Variants in FBLN5 observed in about 807,000 individuals in gnomAD.
The protein encoded by FBLN5 is fibulin-5.
In FBLN5, 24 loss-of-function variants were observed where a neutral mutation model predicts 61.6. That is an observed-to-expected ratio of 0.39 (90% CI 0.28 to 0.55). FBLN5 has a LOEUF of 0.55. Among genes scored for constraint, FBLN5 ranks in the 20% least tolerant of loss-of-function variants. FBLN5 has a pLI of 0.65. For synonymous variants in FBLN5, 213 were observed against 219.8 expected, an observed-to-expected ratio of 0.97 and a Z score of 0.27; for missense variants, 470 against 594.1, an observed-to-expected ratio of 0.79 and a Z score of 2.17.
At chr14:91,921,856 G>A (rs1449823735) in intron 4 of FBLN5, among the ~76,000 whole-genome samples, 1 of 152,212 alleles carries the variant, frequency 6.6e-6, no homozygotes, top group African/African-American at 2.4e-5. Flanking sequence ...TTGGGGTAGA[G>A]AAAGGAGCTG....
intron 10 of FBLN5, among the ~76,000 whole-genome samples, chr14:91,871,272 A>G (rs1027286843): frequency 2.7e-5 from 4 of 150,884 alleles, no homozygotes; most frequent in African/African-American, 9.7e-5. Context: ...TTTTTGTTAA[A>G]CTAACAATTC....
intron 4 of FBLN5, among the ~76,000 whole-genome samples, chr14:91,933,185 C>T (rs754826432): frequency 2.0e-5 from 3 of 152,194 alleles, no homozygotes; most frequent in Non-Finnish European, 4.4e-5. Context: ...GAGATTTGAA[C>T]ACTACCTGGA....
intron 4 of FBLN5, among the ~76,000 whole-genome samples, chr14:91,933,355 A>G (rs1485487208): frequency 1.3e-5 from 2 of 151,922 alleles, no homozygotes; most frequent in Non-Finnish European, 2.9e-5. Context: ...GCTCACTGCA[A>G]CCTCCACCTC....
At position 91,947,119 on chromosome 14, in the gene FBLN5, G is replaced by C; in HGVS notation, c.17+94C>G. On this transcript the variant is annotated intron_variant, in intron 1 of 10. Coordinates refer to ENST00000342058, the MANE Select transcript of FBLN5 (RefSeq NM_006329.4). This position sits in a 1 kb window ranked among gnomAD's most constrained non-coding sequence, Gnocchi z 4.3. Reference sequence around the variant, plus strand: ...ATGCCTTTTCCAATATCCTGACACCGCCTGAATCGCAGCCATAACCATTTT... The same window carrying C: ...ATGCCTTTTCCAATATCCTGACACCCCCTGAATCGCAGCCATAACCATTTT... The C allele has an allele frequency of 6.3e-7, 1 of 1,580,512 alleles. No homozygotes were observed. Among genetic ancestry groups the C allele is most frequent in the Non-Finnish European group, 8.7e-7 (1 of 1,153,398 alleles).
chr14:91,944,283 T>C (rs760039234), intron 1 of FBLN5, among the ~76,000 whole-genome samples: 1 of 152,158 alleles, frequency 6.6e-6, no homozygotes, highest in African/African-American at 2.4e-5. Context: ...TTCACACTCA[T>C]GAGGCTATTA....
intron 5 of FBLN5, among the ~76,000 whole-genome samples, chr14:91,892,512 G>A (rs1337209216): frequency 6.6e-6 from 1 of 152,210 alleles, no homozygotes; most frequent in Non-Finnish European, 1.5e-5. Flanking sequence ...GCCCTTCTCA[G>A]ATTCTGTGCC....
At chr14:91,930,121 T>G (rs2055898537) in intron 4 of FBLN5, among the ~76,000 whole-genome samples, 1 of 152,210 alleles carries the variant, frequency 6.6e-6, no homozygotes, top group Non-Finnish European at 1.5e-5. Context: ...GGAGAAGTCA[T>G]CACGGAATGA....
chr14:91,933,190 C>T (rs2055955894), intron 4 of FBLN5, among the ~76,000 whole-genome samples: 1 of 152,138 alleles, frequency 6.6e-6, no homozygotes, highest in African/African-American at 2.4e-5. Flanking sequence ...TTGAACACTA[C>T]CTGGATATTT....
intron 4 of FBLN5, among the ~76,000 whole-genome samples, chr14:91,898,796 CTTTTTT>C (rs35840279): frequency 2.4e-5 from 2 of 84,240 alleles, no homozygotes; most frequent in Non-Finnish European, 4.4e-5. Flanking sequence ...TTCATTCATT[CTTTTTT>C]TTTTTTTTTT....
chr14:91,897,425 T>G (rs1890271491), intron 4 of FBLN5, among the ~76,000 whole-genome samples: 1 of 152,256 alleles, frequency 6.6e-6, no homozygotes, highest in Non-Finnish European at 1.5e-5. Flanking sequence ...ATGGCAATTG[T>G]GTGCTGGGAA....
chr14:91,894,397 C>T (rs1169397789), intron 5 of FBLN5, among the ~76,000 whole-genome samples: 1 of 33,676 alleles, frequency 3.0e-5, no homozygotes, highest in South Asian at 1.2e-3. Context: ...AGGGAGACAC[C>T]ATATCAAAAA....
In FBLN5 at chr14:91,947,302, G is replaced by T; in HGVS notation, c.-73C>A. 6.3e-7 allele frequency: 1 copy of T among 1,587,536 alleles called. No individual in the cohort carries two copies. The highest frequency in any genetic ancestry group is 2.2e-5 in the East Asian group (1 of 44,712). On this transcript the variant is annotated 5_prime_UTR_variant, in exon 1 of 11. Coordinates refer to ENST00000342058, the MANE Select transcript of FBLN5 (RefSeq NM_006329.4). This position sits in a 1 kb window ranked among gnomAD's most constrained non-coding sequence, Gnocchi z 4.3. ...GGGCGGGACCCCCGGAGGAGCTCGG[G>T]CACGTCGGCCTCCTCTGGGCCCTCG...
chr14:91,880,581 T>C (rs888993622), intron 9 of FBLN5, among the ~76,000 whole-genome samples: 2 of 151,966 alleles, frequency 1.3e-5, no homozygotes, highest in African/African-American at 4.8e-5. Flanking sequence ...AGAGTCTCAC[T>C]CTGTCACCCA....
chr14:91,927,458 G>C (rs2055848720), intron 4 of FBLN5, among the ~76,000 whole-genome samples: 1 of 152,212 alleles, frequency 6.6e-6, no homozygotes, highest in Non-Finnish European at 1.5e-5. Context: ...TTCTGTTCTA[G>C]AGTCCTCCAG....
intron 1 of FBLN5, among the ~76,000 whole-genome samples, chr14:91,944,979 C>A (rs1369730835): frequency 6.6e-6 from 1 of 152,152 alleles, no homozygotes; most frequent in Non-Finnish European, 1.5e-5. Flanking sequence ...ACCTCTAATC[C>A]CAGCACTTTG....
intron 5 of FBLN5, among the ~76,000 whole-genome samples, 156 bp from the exon 6 acceptor site, chr14:91,891,493 G>A (rs1436050473): frequency 6.6e-6 from 1 of 152,164 alleles, no homozygotes; most frequent in Non-Finnish European, 1.5e-5. Context: ...GTCACGGATG[G>A]TGATGCTGTC....
chr14:91,880,523 G>T (rs537101164), intron 9 of FBLN5, among the ~76,000 whole-genome samples: 1 of 100,776 alleles, frequency 9.9e-6, no homozygotes, highest in Admixed American at 1.1e-4. Flanking sequence ...GGGAGTGTGC[G>T]TGCGTGTGTG....
At chr14:91,924,048 G>C (rs1166389273) in intron 4 of FBLN5, among the ~76,000 whole-genome samples, 1 of 152,148 alleles carries the variant, frequency 6.6e-6, no homozygotes, top group Non-Finnish European at 1.5e-5. Context: ...CTCGCCAGGG[G>C]GTGATGATAT....
At chr14:91,922,345 A>AATAC (rs1424366683) in intron 4 of FBLN5, among the ~76,000 whole-genome samples, 1 of 150,878 alleles carries the variant, frequency 6.6e-6, no homozygotes, top group Non-Finnish European at 1.5e-5. Flanking sequence ...TAAATAAATA[A>AATAC]ATAAATAAAT....
Sources: gnomAD v4.1 joint callset for allele counts (sites outside exome capture counted in the v4.1 genomes callset) on GRCh38, gnomAD v4.1.1 for gene constraint, Gnocchi (gnomAD v3.1) non-coding constraint, MANE v1.5 for transcripts, NCBI Gene and HGNC (gene_info 2026-07-23, HGNC 2026-07-21) for gene names.